ECT2: variants seen among roughly 807,000 people sequenced by gnomAD.
ECT2 encodes the protein protein ECT2.
ECT2 carries 61 observed loss-of-function variants against 116.9 expected under a neutral mutation model. That is an observed-to-expected ratio of 0.52 (90% CI 0.42 to 0.65). The LOEUF (loss-of-function observed/expected upper bound fraction) is 0.65, where lower values mean the gene tolerates loss of function less well. ECT2 is among the 30% of genes least tolerant of loss of function. The probability of loss-of-function intolerance (pLI) is 0.00; values close to 1 mark genes in which losing one functional copy is unlikely to be tolerated. For missense variants in ECT2, 937 were observed against 1,078.7 expected (o/e 0.87, Z 1.84); for synonymous variants, 358 against 346.4 (o/e 1.03, Z -0.37).
intron 18 of ECT2, among the ~76,000 whole-genome samples, chr3:172,799,303 T>C (rs947275098): frequency 1.3e-5 from 2 of 152,080 alleles, no homozygotes; most frequent in East Asian, 3.9e-4. Context: ...ATGGGCCACA[T>C]AAAAAGTTCA....
intron 14 of ECT2, among the ~76,000 whole-genome samples, chr3:172,778,528 GTTAC>G (rs998064395): frequency 6.8e-6 from 1 of 147,256 alleles, no homozygotes; most frequent in African/African-American, 2.5e-5. Flanking sequence ...TTTGAGGAAA[GTTAC>G]TTAATCTCTC....
At chr3:172,804,165 AG>A (rs1178558536) in intron 20 of ECT2, among the ~76,000 whole-genome samples, 1 of 152,090 alleles carries the variant, frequency 6.6e-6, no homozygotes, top group Non-Finnish European at 1.5e-5. Flanking sequence ...CTTCTATCAA[AG>A]TATTGCCTTC....
In ECT2 at chr3:172,807,887, G is replaced by A; in HGVS notation, c.2363G>A (p.Cys788Tyr). The A allele has an allele frequency of 6.2e-7, 1 of 1,613,864 alleles. No homozygotes were observed. The highest frequency in any genetic ancestry group is 8.5e-7 in the Non-Finnish European group (1 of 1,179,828). Residue 788 changes from cysteine (C) to tyrosine (Y), a missense_variant, in exon 22 of 25, where the codon TGT becomes TAT. Physicochemically the swap from Cys to Tyr is radical, Grantham distance 194 (BLOSUM62 -2). Coordinates refer to ENST00000392692, the MANE Select transcript of ECT2 (RefSeq NM_001258315.2). ...LPKENWLKML[C>Y]RHVANTICKA... is the part of the protein sequence containing the mutation. ...AAAGAAAACTGGCTAAAGATGCTGTGTCGACATGTAGCTAACACCATTTGT... is the reference window on the plus strand; with the variant it reads ...AAAGAAAACTGGCTAAAGATGCTGTATCGACATGTAGCTAACACCATTTGT...
At chr3:172,794,600 T>C (rs1190170482) in intron 18 of ECT2, among the ~76,000 whole-genome samples, 3 of 151,552 alleles carry the variant, frequency 2.0e-5, no homozygotes, top group African/African-American at 7.2e-5. Flanking sequence ...ATGTGGCTTT[T>C]AGGAGCATCT....
intron 13 of ECT2, among the ~76,000 whole-genome samples, chr3:172,773,631 A>G (rs1242517711): frequency 1.3e-5 from 2 of 152,206 alleles, no homozygotes; most frequent in Admixed American, 1.3e-4. Flanking sequence ...CATACTAACA[A>G]TTTTAATGAT....
intron 11 of ECT2, among the ~76,000 whole-genome samples, 173 bp from the exon 12 acceptor site, chr3:172,764,105 G>A (rs76627568): frequency 0.032 from 4,826 of 152,254 alleles, 163 homozygotes; most frequent in East Asian, 0.16. Flanking sequence ...AATTACAGTC[G>A]TCTCTTGACT....
chr3:172,798,921 C>A (rs1726222559), intron 18 of ECT2, among the ~76,000 whole-genome samples: 1 of 152,132 alleles, frequency 6.6e-6, no homozygotes. Flanking sequence ...CCTAGCCTTA[C>A]AGTGAGTAAA....
At chr3:172,766,121 A>G (rs1719329356) in intron 12 of ECT2, among the ~76,000 whole-genome samples, 1 of 152,216 alleles carries the variant, frequency 6.6e-6, no homozygotes, top group Non-Finnish European at 1.5e-5. Flanking sequence ...ACCCTAGTAT[A>G]AAGTGGGTAT....
At position 172,815,679 on chromosome 3, in the gene ECT2, G is replaced by T; in HGVS notation, c.2476G>T (p.Ala826Ser). 1 of 1,602,918 alleles carries T rather than the reference G, an allele frequency of 6.2e-7. No homozygotes were observed. The highest frequency in any genetic ancestry group is 8.5e-7 in the Non-Finnish European group (1 of 1,175,370). The change falls in exon 23 of 25, where the codon GCA becomes TCA. Residue 826 changes from alanine to serine, a missense_variant. By Grantham distance (99) the Ala-to-Ser change is moderately conservative. Transcript: ENST00000392692. ...AGATATGGACAGTACATTGAGTAGA[G>T]CATCAAGAGCAATAAAAAAGACTTC... ...TKDMDSTLSR[A>S]SRAIKKTSKK...
chr3:172,824,265 C>T (rs1336438618), downstream of ECT2, among the ~76,000 whole-genome samples: 1 of 152,212 alleles, frequency 6.6e-6, no homozygotes, highest in Non-Finnish European at 1.5e-5. Flanking sequence ...GCTCCCAGTT[C>T]TGCATGGCTG....
intron 13 of ECT2, among the ~76,000 whole-genome samples, chr3:172,770,185 T>C (rs547593409): frequency 5.3e-5 from 8 of 152,348 alleles, no homozygotes; most frequent in African/African-American, 1.9e-4. Context: ...GAAATCACTC[T>C]AGATAGATGA....
At chr3:172,817,019 T>G (rs1007160896) in intron 24 of ECT2, among the ~76,000 whole-genome samples, 182 bp downstream of exon 24, 3 of 152,128 alleles carry the variant, frequency 2.0e-5, no homozygotes, top group African/African-American at 7.2e-5. Context: ...CAGTGAGATA[T>G]TTTCATTCTT....
chr3:172,823,134 G>T (rs1187622539), downstream of ECT2, among the ~76,000 whole-genome samples: 1 of 152,046 alleles, frequency 6.6e-6, no homozygotes, highest in Non-Finnish European at 1.5e-5. Flanking sequence ...AAAAGGATGT[G>T]AATTTTCATC....
chr3:172,787,472 G>A (rs1723816116), intron 18 of ECT2, among the ~76,000 whole-genome samples: 1 of 152,100 alleles, frequency 6.6e-6, no homozygotes, highest in African/African-American at 2.4e-5. Flanking sequence ...AAATCTGTAG[G>A]TGCTCAAGTC....
Position 172,820,144 on chromosome 3 carries a change from A to G in ECT2, c.2656-4A>G. ...AATATGAAATGTTTGTTTTGTCTTAACAGGGTATCCCTTCTCCCTCCCTTG... is the reference window on the plus strand; with the variant it reads ...AATATGAAATGTTTGTTTTGTCTTAGCAGGGTATCCCTTCTCCCTCCCTTG... On this transcript the variant is annotated splice_region_variant and splice_polypyrimidine_tract_variant and intron_variant, in intron 24 of 24. Coordinates refer to ENST00000392692, the MANE Select transcript of ECT2 (RefSeq NM_001258315.2). 1.2e-6 allele frequency: 2 copies of G among 1,602,600 alleles called. No individual in the cohort carries two copies. The highest frequency in any genetic ancestry group is 2.2e-5 in the East Asian group (1 of 44,608).
At chr3:172,803,014 A>G in intron 20 of ECT2, 34 bp downstream of exon 20, 1 of 1,544,390 alleles carries the variant, frequency 6.5e-7, no homozygotes, top group Non-Finnish European at 8.7e-7. Context: ...TAATAACACT[A>G]CTGATTTTTG....
the ECT2 span, among the ~76,000 whole-genome samples, chr3:172,827,747 G>A: frequency 6.6e-6 from 1 of 152,134 alleles, no homozygotes; most frequent in East Asian, 1.9e-4. Flanking sequence ...AACAATAAAC[G>A]TTAAAACGTA....
At chr3:172,779,324 A>G (rs981579744) in intron 14 of ECT2, among the ~76,000 whole-genome samples, 37 of 152,188 alleles carry the variant, frequency 2.4e-4, no homozygotes, top group African/African-American at 7.9e-4. Context: ...GAACAGTTCA[A>G]TCTTCCCAGT....
intron 15 of ECT2, 34 bp downstream of exon 15, chr3:172,782,265 T>G (rs1219231204): frequency 4.5e-6 from 6 of 1,326,894 alleles, no homozygotes; most frequent in Non-Finnish European, 6.4e-6. Flanking sequence ...AGTTTTCAGA[T>G]TAAAATATGA....
Sources: gnomAD v4.1 joint callset for allele counts (sites outside exome capture counted in the v4.1 genomes callset) on GRCh38, gnomAD v4.1.1 for gene constraint, MANE v1.5 for transcripts, NCBI Gene and HGNC (gene_info 2026-07-23, HGNC 2026-07-21) for gene names.